Variants in CA10 observed in about 807,000 individuals in gnomAD.
The protein encoded by CA10 is carbonic anhydrase 10 (inactive).
Under a neutral mutation model 44.2 loss-of-function variants are expected in CA10, and 14 were observed. The observed-to-expected ratio is 0.32, with a 90% CI of 0.21 to 0.50. CA10 has a LOEUF of 0.50. Among genes scored for constraint, CA10 ranks in the 20% least tolerant of loss-of-function variants. The pLI, the probability that CA10 is intolerant of heterozygous loss-of-function variation, is 0.99. For missense variants in CA10, 350 were observed against 409.7 expected (o/e 0.85, Z 1.26); for synonymous variants, 159 against 141.6 (o/e 1.12, Z -0.87).
At chr17:51,916,571 G>C (rs1982005295) in intron 3 of CA10, among the ~76,000 whole-genome samples, 1 of 152,164 alleles carries the variant, frequency 6.6e-6, no homozygotes, top group Admixed American at 6.5e-5. Flanking sequence ...GCTGCCGTGT[G>C]AGACATGCCT....
In CA10 at chr17:51,874,841, G is replaced by A. The variant is rs2143869007; in HGVS notation, c.279+56149C>T. ...AGTGTCTGTTTTACCCAAGGCTATTGCAACTTAAACTGGGTCTTTCCTCCT... is the reference window on the plus strand; with the variant it reads ...AGTGTCTGTTTTACCCAAGGCTATTACAACTTAAACTGGGTCTTTCCTCCT... On this transcript the variant is annotated intron_variant, in intron 3 of 8. Transcript: ENST00000451037. Among the ~76,000 whole-genome samples, 4 of 152,272 alleles carry A rather than the reference G, an allele frequency of 2.6e-5. No homozygotes were observed. In the Middle Eastern group the frequency reaches 0.014, roughly 518 times the overall value.
intron 2 of CA10, among the ~76,000 whole-genome samples, chr17:51,963,292 T>C (rs866427337): frequency 6.6e-6 from 1 of 152,150 alleles, no homozygotes; most frequent in South Asian, 2.1e-4. Context: ...CAACAAATTA[T>C]TGGCATTCCT....
chr17:52,112,009 A>C (rs2143287373), intron 1 of CA10, among the ~76,000 whole-genome samples: 1 of 152,250 alleles, frequency 6.6e-6, no homozygotes, highest in South Asian at 2.1e-4. Flanking sequence ...AACATATAAA[A>C]GGAAATGGGG....
chr17:52,081,988 T>C (rs993650090), intron 1 of CA10, among the ~76,000 whole-genome samples: 5 of 152,006 alleles, frequency 3.3e-5, no homozygotes, highest in African/African-American at 9.7e-5. Flanking sequence ...TTCAGTCTCC[T>C]CATGGCTGCA....
chr17:52,036,394 A>G (rs1366193005), intron 2 of CA10, among the ~76,000 whole-genome samples: 1 of 152,188 alleles, frequency 6.6e-6, no homozygotes, highest in Admixed American at 6.5e-5. Flanking sequence ...AGAAGCTTGC[A>G]GTATAGTAGA....
intron 1 of CA10, among the ~76,000 whole-genome samples, chr17:52,110,611 A>T (rs1458524110): frequency 1.3e-5 from 2 of 152,158 alleles, no homozygotes; most frequent in Non-Finnish European, 2.9e-5. Context: ...GGAGTTAGGG[A>T]AGTAAGACAG....
At chr17:51,929,527 C>T (rs1354326932) in intron 3 of CA10, among the ~76,000 whole-genome samples, 1 of 152,140 alleles carries the variant, frequency 6.6e-6, no homozygotes, top group Admixed American at 6.6e-5. Context: ...CACCAAACCC[C>T]ATTCTGTATC....
At chr17:51,904,433 T>G (rs1368822442) in intron 3 of CA10, among the ~76,000 whole-genome samples, 1 of 151,888 alleles carries the variant, frequency 6.6e-6, no homozygotes, top group Admixed American at 6.6e-5. Flanking sequence ...TGCTCACAGC[T>G]TTGGGGCTGA....
At chr17:51,658,151 T>C (rs1307736531) in intron 4 of CA10, among the ~76,000 whole-genome samples, 1 of 152,200 alleles carries the variant, frequency 6.6e-6, no homozygotes, top group African/African-American at 2.4e-5. Context: ...CAGTGCATTC[T>C]CTATATCTAA....
intron 3 of CA10, among the ~76,000 whole-genome samples, chr17:51,912,493 GA>G (rs1026356878): frequency 6.6e-6 from 1 of 151,720 alleles, no homozygotes; most frequent in Admixed American, 6.6e-5. Flanking sequence ...CAATGAAAAA[GA>G]AAAAAAGAAA....
intron 2 of CA10, among the ~76,000 whole-genome samples, chr17:52,067,186 G>A (rs556575647): frequency 2.6e-5 from 4 of 152,352 alleles, no homozygotes; most frequent in Non-Finnish European, 5.9e-5. Context: ...GCCTGGAAGA[G>A]AAAGTAGTTT....
chr17:51,911,848 G>A (rs955593961), intron 3 of CA10, among the ~76,000 whole-genome samples: 17 of 152,092 alleles, frequency 1.1e-4, no homozygotes, highest in African/African-American at 4.1e-4. Context: ...AATATAATAA[G>A]CATTTATCAA....
intron 4 of CA10, among the ~76,000 whole-genome samples, chr17:51,720,088 G>T (rs1916305443): frequency 6.6e-6 from 1 of 152,084 alleles, no homozygotes; most frequent in Non-Finnish European, 1.5e-5. Flanking sequence ...ATATTATTTG[G>T]TTTTTGTCTG....
intron 3 of CA10, among the ~76,000 whole-genome samples, chr17:51,863,257 A>G (rs970449539): frequency 1.2e-4 from 18 of 152,336 alleles, no homozygotes; most frequent in African/African-American, 4.3e-4. Context: ...TGAATCTGGA[A>G]GTTATTCCAT....
rs190166382 is a variant in CA10, at chr17:51,679,821, T to C, written c.466-26085A>G. Among the ~76,000 whole-genome samples the C allele has an allele frequency of 1.5e-3, 229 of 152,308 alleles. 1 individual carries two copies. The highest frequency in any genetic ancestry group is 5.1e-3 in the African/African-American group (214 of 41,580). The stretch of plus-strand genomic sequence containing the variant: ...CAAACAGCCTGCAGGCCATATCCTA[T>C]TTTTGTATGGCCCATGAACTAAGGA... On this transcript the variant is annotated intron_variant, in intron 4 of 8. Transcript: ENST00000451037.
intron 6 of CA10, among the ~76,000 whole-genome samples, chr17:51,646,992 C>CTCTT (rs25597): frequency 0.054 from 8,134 of 151,952 alleles, 272 homozygotes; most frequent in Middle Eastern, 0.082. Context: ...AGGCCAGGAT[C>CTCTT]TCTTTATCTT....
chr17:51,712,595 C>T (rs1234489137), intron 4 of CA10, among the ~76,000 whole-genome samples: 3 of 152,040 alleles, frequency 2.0e-5, no homozygotes, highest in Admixed American at 6.6e-5. Flanking sequence ...CAATAGGCAC[C>T]GGGGATTGAT....
At chr17:52,067,113 G>A (rs1462675961) in intron 2 of CA10, among the ~76,000 whole-genome samples, 1 of 152,208 alleles carries the variant, frequency 6.6e-6, no homozygotes, top group Non-Finnish European at 1.5e-5. Context: ...CAAGACAATG[G>A]GGAAAATGTC....
chr17:52,078,449 C>T (rs117541583), intron 1 of CA10, among the ~76,000 whole-genome samples: 1 of 152,198 alleles, frequency 6.6e-6, no homozygotes, highest in African/African-American at 2.4e-5. Flanking sequence ...CTACAACTAG[C>T]AAAGATGAAG....
Sources: allele counts gnomAD v4.1 joint callset (sites outside exome capture counted in the v4.1 genomes callset), GRCh38; gene constraint gnomAD v4.1.1; transcripts MANE v1.5; gene names NCBI Gene and HGNC (gene_info 2026-07-23, HGNC 2026-07-21).